The following HEATR1 variants were observed in gnomAD, a reference collection of about 807,000 sequenced individuals.
HEATR1 encodes HEAT repeat-containing protein 1.
Under a neutral mutation model 248.2 loss-of-function variants are expected in HEATR1, and 77 were observed. The observed-to-expected ratio is 0.31, with a 90% CI of 0.26 to 0.37. HEATR1 has a LOEUF of 0.37. Ranked by LOEUF, HEATR1 falls within the 10% of genes least tolerant of loss-of-function variation. The pLI is 1.00. For missense variants in HEATR1, 2,420 were observed against 2,504.9 expected, an observed-to-expected ratio of 0.97 and a Z score of 0.72; for synonymous variants, 897 against 923.1, an observed-to-expected ratio of 0.97 and a Z score of 0.51.
Position 236,583,089 on chromosome 1 carries a change from C to T in HEATR1, c.2349G>A (p.Val783=). The change falls in exon 18 of 45, where the codon GTG becomes GTA. Residue 783 remains valine, a synonymous_variant. Transcript: ENST00000366582. ...EELNSTQRVA[V]EDSVFLVFSL... ...AAAATACAAGAAAAACCGAGTCCTC[C>T]ACGGCCACCCTCTGAGTGCTGTTGA... 1 of 1,614,094 alleles carries T rather than the reference C, an allele frequency of 6.2e-7. No homozygotes were observed.
chr1:236,557,160 A>G, intron 37 of HEATR1, 35 bp downstream of exon 37: 1 of 1,604,482 alleles, frequency 6.2e-7, no homozygotes, highest in Non-Finnish European at 8.5e-7. Flanking sequence ...TTCCCCAGCC[A>G]CCCTGCGTAG....
At chr1:236,579,580 AT>A (rs561602249) in intron 20 of HEATR1, among the ~76,000 whole-genome samples, 4 of 152,246 alleles carry the variant, frequency 2.6e-5, no homozygotes, top group Non-Finnish European at 5.9e-5. Flanking sequence ...AAATTTTTCC[AT>A]TTATTAATAT....
chr1:236,570,150 G>A (rs186036535), intron 28 of HEATR1, among the ~76,000 whole-genome samples: 177 of 152,220 alleles, frequency 1.2e-3, no homozygotes, highest in Middle Eastern at 3.4e-3. Flanking sequence ...TTAGCCGGGC[G>A]TGGTGGCGGG....
At chr1:236,567,037 A>C (rs1663290882) in intron 29 of HEATR1, among the ~76,000 whole-genome samples, 161 bp from the exon 30 acceptor site, 1 of 152,148 alleles carries the variant, frequency 6.6e-6, no homozygotes, top group Non-Finnish European at 1.5e-5. Context: ...CCCAGGCTGA[A>C]GTGCAGTGAT....
chr1:236,553,765 GAA>G (rs774186869), intron 42 of HEATR1, 26 bp from the exon 43 acceptor site: 1 of 1,580,250 alleles, frequency 6.3e-7, no homozygotes, highest in East Asian at 2.3e-5. Flanking sequence ...CAAAGACTTT[GAA>G]CAACAAGTCT....
rs1305284383 is a variant in HEATR1 at position 236,581,118 on chromosome 1, TCTG to T, written c.2755+101_2755+103del. 3.2e-6 allele frequency: 3 copies of T among 946,672 alleles called. No individual in the cohort carries two copies. The African/African-American group carries it at 5.3e-5, about 17-fold the overall frequency. The allele number at this position is 946,672 out of a possible 1,614,324, so 58.6% of individuals were successfully genotyped here. On this transcript the variant is annotated intron_variant, in intron 20 of 44. Coordinates refer to ENST00000366582, the MANE Select transcript of HEATR1 (RefSeq NM_018072.6). Reference sequence around the variant, plus strand: ...CAGGCGTGAGATACCGCGCCTGCCCTCTGCTATTTTTTTTTAAGTTATAATTTT... The same window carrying T: ...CAGGCGTGAGATACCGCGCCTGCCCTCTATTTTTTTTTAAGTTATAATTTT...
chr1:236,589,479 T>C (rs921308947), intron 12 of HEATR1, among the ~76,000 whole-genome samples: 2 of 141,470 alleles, frequency 1.4e-5, no homozygotes, highest in Admixed American at 7.4e-5. Context: ...TCTTAAAATA[T>C]AGATGACATA....
intron 13 of HEATR1, among the ~76,000 whole-genome samples, chr1:236,587,697 T>A (rs980146358): frequency 4.6e-5 from 7 of 152,106 alleles, no homozygotes; most frequent in African/African-American, 1.7e-4. Flanking sequence ...TTGATAAAAA[T>A]ATGTTAAAAG....
chr1:236,552,622 C>T (rs561145208), intron 43 of HEATR1: 1 of 152,334 alleles, frequency 6.6e-6, no homozygotes, highest in East Asian at 1.9e-4. Context: ...GTCACAATAT[C>T]CTAGTTTTGG....
At chr1:236,592,669 A>T (rs1287260307) in intron 9 of HEATR1, 36 bp from the exon 10 acceptor site, 5 of 826,978 alleles carry the variant, frequency 6.0e-6, no homozygotes, top group Non-Finnish European at 9.9e-6. Context: ...AGCATACATA[A>T]GAGTTACTAT....
At position 236,574,715 on chromosome 1, in the gene HEATR1, T is replaced by A. The variant is rs780794932; in HGVS notation, c.3273A>T (p.Thr1091=). 1 of 1,614,014 alleles carries A rather than the reference T, an allele frequency of 6.2e-7. No homozygotes were observed. Among genetic ancestry groups the A allele is most frequent in the South Asian group, 1.1e-5 (1 of 91,076 alleles). The part of the protein sequence containing the change: ...SLDIFIKAVH[T]TKELYAGMPT... ...GCATTCCCGCGTAAAGTTCCTTTGTTGTGTGCACAGCTTTTATAAATATAT... is the reference window on the plus strand; with the variant it reads ...GCATTCCCGCGTAAAGTTCCTTTGTAGTGTGCACAGCTTTTATAAATATAT... The change falls in exon 23 of 45, where the codon ACA becomes ACT. Residue 1091 remains threonine (T), a synonymous_variant. Transcript: ENST00000366582.
chr1:236,559,885 A>C (rs755428083), intron 33 of HEATR1, 48 bp from the exon 34 acceptor site: 2 of 1,549,744 alleles, frequency 1.3e-6, no homozygotes, highest in Non-Finnish European at 1.8e-6. Context: ...AGGCACTCAG[A>C]GAACTTGTTC....
At position 236,594,250 on chromosome 1, in the gene HEATR1, A is replaced by C. The variant is rs574695454; in HGVS notation, c.1091-136T>G. 7.9e-5 allele frequency: 44 copies of C among 556,424 alleles called. No homozygotes were observed. The East Asian group carries it at 1.3e-3, about 16-fold the overall frequency. 34.5% of individuals were successfully genotyped at this position (556,424 alleles called of 1,614,324 possible). On this transcript the variant is annotated intron_variant, in intron 8 of 44. Transcript: ENST00000366582. Reference sequence around the variant, plus strand: ...TATCCAGCTTTTTATCTATTTGCACAAGTGCATTCCACTTATTTAGTCATT... The same window carrying C: ...TATCCAGCTTTTTATCTATTTGCACCAGTGCATTCCACTTATTTAGTCATT...
intron 20 of HEATR1, among the ~76,000 whole-genome samples, chr1:236,578,817 T>C (rs1248121409): frequency 1.3e-5 from 2 of 152,166 alleles, no homozygotes; most frequent in Non-Finnish European, 2.9e-5. Context: ...CTCTATGCCC[T>C]GCCCAGTTCA....
intron 9 of HEATR1, 57 bp from the exon 10 acceptor site, chr1:236,592,690 C>T: frequency 3.0e-6 from 2 of 671,368 alleles, no homozygotes; most frequent in South Asian, 1.8e-5. Context: ...TTATTGAGTA[C>T]CTACTATATT....
intron 26 of HEATR1, among the ~76,000 whole-genome samples, chr1:236,572,196 T>G (rs1663448327): frequency 6.6e-6 from 1 of 152,162 alleles, no homozygotes; most frequent in Admixed American, 6.5e-5. Context: ...GGCTGTACAG[T>G]GAGTGGCCAT....
Position 236,576,850 on chromosome 1 carries a change from A to C in HEATR1, c.2855T>G (p.Phe952Cys). 3 of 1,614,104 alleles carry C rather than the reference A, an allele frequency of 1.9e-6. No homozygotes were observed. Among genetic ancestry groups the C allele is most frequent in the Non-Finnish European group, 2.5e-6 (3 of 1,179,962 alleles). The stretch of plus-strand genomic sequence containing the variant: ...AATCAAATGATCTATTATCAGATAA[A>C]ACGGGGATGCCACTCCACTGAGGGC... ...LQALSGVASPFYLIIDHLISK... is the reference protein window; with the variant it reads ...LQALSGVASPCYLIIDHLISK... The change falls in exon 21 of 45, where the codon TTT becomes TGT. Residue 952 changes from phenylalanine (F) to cysteine (C), a missense_variant. Coordinates refer to ENST00000366582, the MANE Select transcript of HEATR1 (RefSeq NM_018072.6).
chr1:236,592,769 C>T (rs1307468488), intron 9 of HEATR1, 136 bp from the exon 10 acceptor site: 2 of 483,154 alleles, frequency 4.1e-6, no homozygotes, highest in Non-Finnish European at 7.4e-6. Flanking sequence ...ACTTATTTTA[C>T]AGATAAAGAA....
rs566034503 is a variant in HEATR1, at chr1:236,571,078, C to T, written c.3948+273G>A. Among the ~76,000 whole-genome samples, 4 of 152,324 alleles carry T rather than the reference C, an allele frequency of 2.6e-5. No individual in the cohort carries two copies. In the South Asian group the frequency reaches 8.3e-4, roughly 32 times the overall value. ...GATAGATAGTGTGCCAGGTATTATGCTAAGTACTAACCACAAATTATCCAA... is the reference window on the plus strand; with the variant it reads ...GATAGATAGTGTGCCAGGTATTATGTTAAGTACTAACCACAAATTATCCAA... On this transcript the variant is annotated intron_variant, in intron 28 of 44. Coordinates refer to ENST00000366582, the MANE Select transcript of HEATR1 (RefSeq NM_018072.6).
Sources: gnomAD v4.1 joint callset for allele counts (sites outside exome capture counted in the v4.1 genomes callset) on GRCh38, gnomAD v4.1.1 for gene constraint, MANE v1.5 for transcripts, NCBI Gene and HGNC (gene_info 2026-07-23, HGNC 2026-07-21) for gene names.